The following HYOU1 variants were observed in gnomAD, a reference collection of about 807,000 sequenced individuals.
The protein encoded by HYOU1 is hypoxia up-regulated protein 1.
Under a neutral mutation model 120.5 loss-of-function variants are expected in HYOU1, and 40 were observed. That is an observed-to-expected ratio of 0.33 (90% CI 0.26 to 0.43). The LOEUF (loss-of-function observed/expected upper bound fraction) is 0.43. Among genes scored for constraint, HYOU1 ranks in the 20% least tolerant of loss-of-function variants. The probability of loss-of-function intolerance (pLI) is 1.00; values close to 1 mark genes in which losing one functional copy is unlikely to be tolerated. For synonymous variants in HYOU1, 501 were observed against 479.4 expected (o/e 1.05, Z -0.59); for missense variants, 1,085 against 1,278.3 (o/e 0.85, Z 2.31).
In HYOU1 at chr11:119,048,925, G is replaced by T; in HGVS notation, c.1993-39C>A. On this transcript the variant is annotated intron_variant, in intron 17 of 25. Coordinates refer to ENST00000617285, the MANE Select transcript of HYOU1 (RefSeq NM_006389.5). This position sits in a 1 kb window ranked among gnomAD's most constrained non-coding sequence, Gnocchi z 4.7. ...GTCAGGGGTGTCAGGAAAAGCCTCT[G>T]CCCTCCTACATTCTCCACAAGGCCA... 4 of 1,606,222 alleles carry T rather than the reference G, an allele frequency of 2.5e-6. No homozygotes were observed. Among genetic ancestry groups the T allele is most frequent in the Non-Finnish European group, 3.4e-6 (4 of 1,176,494 alleles).
chr11:119,051,861 C>T lies in HYOU1; in HGVS notation c.1296G>A (p.Val432=). 2 of 1,614,206 alleles carry T rather than the reference C, an allele frequency of 1.2e-6. No individual in the cohort carries two copies. The highest frequency in any genetic ancestry group is 1.7e-6 in the Non-Finnish European group (2 of 1,180,038). Residue 432 remains valine, a synonymous_variant, in exon 12 of 26, where the codon GTG becomes GTA. Transcript: ENST00000617285. The surrounding 1 kb of genome is among the most constrained non-coding windows in gnomAD (Gnocchi z 4.2). The stretch of plus-strand genomic sequence containing the variant: ...CTGCATCTCGGACGACAAATGGCTT[C>T]ACTTTAAAGGCTTTGCTGAGCGCAG... ...QAAALSKAFK[V]KPFVVRDAVV... is the part of the protein sequence containing the mutation.
Position 119,057,105 on chromosome 11 carries a change from C to T in HYOU1, c.-93G>A, listed in dbSNP as rs924236384. ...AGGCCGGCAGCGCCCCCCACCCGCG[C>T]CCTTCACAACTCCTCTCGGTTTGCA... On this transcript the variant is annotated 5_prime_UTR_variant, in exon 1 of 26. Transcript: ENST00000617285. The T allele has an allele frequency of 6.6e-6, 1 of 152,212 alleles. No individual in the cohort carries two copies. Among genetic ancestry groups the T allele is most frequent in the African/African-American group, 2.4e-5 (1 of 41,452 alleles). The allele number at this position is 152,212 out of a possible 1,614,324, so 9.4% of individuals were successfully genotyped here. A position where few individuals can be genotyped will look rare whatever the true frequency, so the allele number is the denominator to read the frequency against.
In HYOU1 at chr11:119,049,098, G is replaced by A; in HGVS notation, c.1912C>T (p.Pro638Ser). The A allele has an allele frequency of 1.2e-6, 2 of 1,614,082 alleles. No individual in the cohort carries two copies. The highest frequency in any genetic ancestry group is 3.3e-5 in the Admixed American group (2 of 60,010). ...APVEDGSQPP[P>S]PEPKGDATPE... ...GTTGCATCTCCCTTAGGTTCAGGGGGTGGGGGCTGAGAGCCATCCTCCACT... is the reference window on the plus strand; with the variant it reads ...GTTGCATCTCCCTTAGGTTCAGGGGATGGGGGCTGAGAGCCATCCTCCACT... The change falls in exon 17 of 26, where the codon CCC becomes TCC. Residue 638 changes from proline (P) to serine (S), a missense_variant. By Grantham distance (74) the Pro-to-Ser change is moderately conservative (BLOSUM62 -1). Coordinates refer to ENST00000617285, the MANE Select transcript of HYOU1 (RefSeq NM_006389.5).
chr11:119,052,009 C>G lies in HYOU1; in HGVS notation c.1206-58G>C, dbSNP rs12797669. 1 of 1,613,170 alleles carries G rather than the reference C, an allele frequency of 6.2e-7. No homozygotes were observed. The highest frequency in any genetic ancestry group is 1.3e-5 in the African/African-American group (1 of 74,910). Reference sequence around the variant, plus strand: ...CCTGGAGCATGCAACCGGGACTTCCCTCCCCTCAGCCCTCCAGCTGCTCAG... The same window carrying G: ...CCTGGAGCATGCAACCGGGACTTCCGTCCCCTCAGCCCTCCAGCTGCTCAG... On this transcript the variant is annotated intron_variant, in intron 11 of 25. Coordinates refer to ENST00000617285, the MANE Select transcript of HYOU1 (RefSeq NM_006389.5). The surrounding 1 kb of genome is among the most constrained non-coding windows in gnomAD (Gnocchi z 5.0).
At chr11:119,054,005 A>C in intron 8 of HYOU1, 116 bp downstream of exon 8, 1 of 657,902 alleles carries the variant, frequency 1.5e-6, no homozygotes, top group Non-Finnish European at 2.7e-6. Flanking sequence ...CTGATGCCTC[A>C]ATCAGGAGAC....
chr11:119,049,208 G>GA lies in HYOU1; in HGVS notation c.1807-6dup. On this transcript the variant is annotated splice_polypyrimidine_tract_variant and splice_region_variant and intron_variant, in intron 16 of 25. Transcript: ENST00000617285. ...TGCAGGGCTCTCCTCTTCCTCCTGG[G>GA]AAACACCACAGGCGCCCCAGGGAAC... 1.9e-6 allele frequency: 3 copies of GA among 1,590,894 alleles called. No homozygotes were observed. Among genetic ancestry groups the GA allele is most frequent in the Non-Finnish European group, 2.6e-6 (3 of 1,169,462 alleles).
chr11:119,045,819 C>A lies in HYOU1; in HGVS notation c.2900G>T (p.Gly967Val). 1 of 1,612,758 alleles carries A rather than the reference C, an allele frequency of 6.2e-7. No individual in the cohort carries two copies. The highest frequency in any genetic ancestry group is 8.5e-7 in the Non-Finnish European group (1 of 1,179,708). ...PEKVETGSEPGDTEPLELGGP... is the reference protein window; with the variant it reads ...PEKVETGSEPVDTEPLELGGP... ...TCCTAACTCCAAAGGCTCAGTGTCT[C>A]CTGGCTCGGATCCTGCTTTGGGAAG... The change falls in exon 25 of 26, where the codon GGA (glycine) becomes GTA (valine). Residue 967 changes from glycine (G) to valine (V), a missense_variant. Around this residue, in one of 4 missense-constraint regions of HYOU1, gnomAD observed 516 missense variants for 517.1 expected, o/e 1.00. Coordinates refer to ENST00000617285, the MANE Select transcript of HYOU1 (RefSeq NM_006389.5).
chr11:119,049,404 G>T, intron 16 of HYOU1, 152 bp downstream of exon 16: 2 of 1,571,158 alleles, frequency 1.3e-6, no homozygotes, highest in Non-Finnish European at 8.6e-7. Context: ...GGGAGCACCA[G>T]TCAAGAAACA....
In HYOU1 at chr11:119,044,834, C is replaced by A. The variant is rs1943977045; in HGVS notation, c.*759G>T. 1 of 249,212 alleles carries A rather than the reference C, an allele frequency of 4.0e-6. No individual in the cohort carries two copies. Among genetic ancestry groups the A allele is most frequent in the East Asian group, 8.6e-5 (1 of 11,586 alleles). 15.4% of individuals were successfully genotyped at this position (249,212 alleles called of 1,614,324 possible). ...GCACGATGCTGGCACCCCATGCCAA[C>A]CACTCTACGTGGCTTTCCTCTTCGG... On this transcript the variant is annotated 3_prime_UTR_variant, in exon 26 of 26. Coordinates refer to ENST00000617285, the MANE Select transcript of HYOU1 (RefSeq NM_006389.5).
rs2133551888 is a variant in HYOU1 at position 119,046,647 on chromosome 11, C to T, written c.2751G>A (p.Arg917=). Residue 917 remains arginine (R), a synonymous_variant, in exon 23 of 26, where the codon CGG becomes CGA. Coordinates refer to ENST00000617285, the MANE Select transcript of HYOU1 (RefSeq NM_006389.5). ...NKAKFTKPRP[R]PKDKNGTRAE... ...CCCGGGTCCCATTCTTGTCCTTAGG[C>T]CGGGGCCGGGGCTTGGTAAACTTGG... 12 of 1,614,070 alleles carry T rather than the reference C, an allele frequency of 7.4e-6. No individual in the cohort carries two copies. Among genetic ancestry groups the T allele is most frequent in the Admixed American group, 1.7e-5 (1 of 59,994 alleles).
Position 119,048,298 on chromosome 11 carries a change from T to C in HYOU1, c.2326A>G (p.Ser776Gly), listed in dbSNP as rs1944206264. 6.2e-7 allele frequency: 1 copy of C among 1,611,236 alleles called. No individual in the cohort carries two copies. Among genetic ancestry groups the C allele is most frequent in the African/African-American group, 1.3e-5 (1 of 74,906 alleles). ...TCCTCCAGCCAGGTGGATGCGGCGCTGAGCTTCCCAGAGATCTCCTCACGC... is the reference window on the plus strand; with the variant it reads ...TCCTCCAGCCAGGTGGATGCGGCGCCGAGCTTCCCAGAGATCTCCTCACGC... Reference protein sequence around the residue: ...EQREEISGKLSAASTWLEDEG... With the variant: ...EQREEISGKLGAASTWLEDEG... The change falls in exon 20 of 26, where the codon AGC becomes GGC. Residue 776 changes from serine to glycine, a missense_variant. Ser to Gly is a moderately conservative substitution (Grantham distance 56). This residue lies in a region of HYOU1 where 516 missense variants were observed against 517.1 expected (regional missense o/e 1.00). Transcript: ENST00000617285. The surrounding 1 kb of genome is among the most constrained non-coding windows in gnomAD (Gnocchi z 4.7).
chr11:119,045,452 T>A lies in HYOU1; in HGVS notation c.*141A>T. The A allele has an allele frequency of 1.2e-6, 1 of 804,904 alleles. No individual in the cohort carries two copies. The highest frequency in any genetic ancestry group is 2.2e-6 in the Non-Finnish European group (1 of 457,208). 49.9% of individuals were successfully genotyped at this position (804,904 alleles called of 1,614,324 possible). The stretch of plus-strand genomic sequence containing the variant: ...CAGTGAGCTGTCCCTCCCTTCCCCT[T>A]CTCCACACCTCCAAATCACAGGGGT... On this transcript the variant is annotated 3_prime_UTR_variant, in exon 26 of 26. Transcript: ENST00000617285.
rs2133575858 is a variant in HYOU1 at position 119,049,812 on chromosome 11, A to G, written c.1691T>C (p.Val564Ala). ...DRVESVFETL[V>A]EDSAEEESTL... ...AGATTCCTCTTCTGCGCTGTCCTCT[A>G]CCAGTGTCTCAAATACAGACTCCAC... Residue 564 changes from valine to alanine, a missense_variant, in exon 15 of 26, where the codon GTA becomes GCA. Physicochemically the swap from Val to Ala is moderately conservative, Grantham distance 64 (BLOSUM62 0). This residue lies in a region of HYOU1 where 515 missense variants were observed against 677.8 expected (regional missense o/e 0.76). Coordinates refer to ENST00000617285, the MANE Select transcript of HYOU1 (RefSeq NM_006389.5). 3.1e-6 allele frequency: 5 copies of G among 1,614,078 alleles called. No homozygotes were observed. The highest frequency in any genetic ancestry group is 3.3e-5 in the Admixed American group (2 of 60,018).
In HYOU1 at chr11:119,055,267, C is replaced by A. The variant is rs2133611691; in HGVS notation, c.337G>T (p.Val113Leu). The A allele has an allele frequency of 6.2e-7, 1 of 1,614,148 alleles. No individual in the cohort carries two copies. Among genetic ancestry groups the A allele is most frequent in the South Asian group, 1.1e-5 (1 of 91,086 alleles). The stretch of plus-strand genomic sequence containing the variant: ...GGGAAGCGGGCCTGGTAAAGAGCTA[C>A]ATGGGGGTTATCTGCCTGCTTCCCC... ...LLGKQADNPH[V>L]ALYQARFPEH... The change falls in exon 5 of 26, where the codon GTA becomes TTA. Residue 113 changes from valine (V) to leucine (L), a missense_variant. Around this residue, in one of 4 missense-constraint regions of HYOU1, gnomAD observed 515 missense variants for 677.8 expected, o/e 0.76. Transcript: ENST00000617285. The surrounding 1 kb of genome is among the most constrained non-coding windows in gnomAD (Gnocchi z 4.0).
chr11:119,053,624 A>C (rs2133600491), intron 8 of HYOU1: 5 of 153,124 alleles, frequency 3.3e-5, no homozygotes, highest in African/African-American at 9.6e-5. Context: ...CACTAGGAAC[A>C]GGGAGATGTT....
chr11:119,056,443 C>T (rs1944771076), intron 1 of HYOU1: 1 of 526,734 alleles, frequency 1.9e-6, no homozygotes, highest in South Asian at 1.5e-5. Flanking sequence ...GAAAGGAGAC[C>T]CGAGCCTTTT....
At position 119,055,201 on chromosome 11, in the gene HYOU1, G is replaced by A. The variant is rs1308954287; in HGVS notation, c.403C>T (p.His135Tyr). ...AGCACTCACGAGCTGATCTGAAAGT[G>A]CACAGTCTGCCTCTGTGGGTCGAAA... is the stretch of plus-strand genomic sequence containing the variant. ...LTFDPQRQTV[H>Y]FQISSQLQFS... is the part of the protein sequence containing the mutation. The change falls in exon 5 of 26, where the codon CAC (histidine) becomes TAC (tyrosine). Residue 135 changes from histidine to tyrosine, a missense_variant. This residue lies in a region of HYOU1 where 515 missense variants were observed against 677.8 expected (regional missense o/e 0.76). Transcript: ENST00000617285. The surrounding 1 kb of genome is among the most constrained non-coding windows in gnomAD (Gnocchi z 4.0). The A allele has an allele frequency of 3.1e-6, 5 of 1,613,876 alleles. No homozygotes were observed. The African/African-American group carries it at 4.0e-5, about 13-fold the overall frequency.
chr11:119,045,741 C>T (rs2133544253), intron 25 of HYOU1, 40 bp downstream of exon 25: 1 of 1,613,174 alleles, frequency 6.2e-7, no homozygotes, highest in South Asian at 1.1e-5. Context: ...TTCCTGAGAC[C>T]CCACCAGGCT....
chr11:119,052,319 G>A lies in HYOU1; in HGVS notation c.1098C>T (p.Ala366=). The A allele has an allele frequency of 6.2e-7, 1 of 1,614,146 alleles. No individual in the cohort carries two copies. The highest frequency in any genetic ancestry group is 8.5e-7 in the Non-Finnish European group (1 of 1,180,034). Residue 366 remains alanine (A), a synonymous_variant, in exon 10 of 26, where the codon GCC becomes GCT. Coordinates refer to ENST00000617285, the MANE Select transcript of HYOU1 (RefSeq NM_006389.5). The surrounding 1 kb of genome is among the most constrained non-coding windows in gnomAD (Gnocchi z 5.0). ...FERVPGPVQQ[A]LQSAEMSLDE... is the part of the protein sequence containing the mutation. ...CCAGACTCATTTCGGCACTCTGGAG[G>A]GCCTGCTGTACAGGCCCAGGCACCC...
Sources: allele counts gnomAD v4.1 joint callset, GRCh38; gene constraint gnomAD v4.1.1; regional missense constraint gnomAD v4.1.1; non-coding constraint Gnocchi (gnomAD v3.1); transcripts MANE v1.5; gene names NCBI Gene and HGNC (gene_info 2026-07-23, HGNC 2026-07-21).